The following DAB1 variants were observed in gnomAD, a reference collection of about 807,000 sequenced individuals.
The protein encoded by DAB1 is DAB adaptor protein 1.
DAB1 carries 15 observed loss-of-function variants against 64.6 expected under a neutral mutation model. The observed-to-expected ratio is 0.23, with a 90% CI of 0.16 to 0.36. The LOEUF (loss-of-function observed/expected upper bound fraction) is 0.36, where lower values mean the gene tolerates loss of function less well. Among genes scored for constraint, DAB1 ranks in the 10% least tolerant of loss-of-function variants. The pLI is 1.00. For synonymous variants in DAB1, 235 were observed against 251.9 expected (o/e 0.93, Z 0.64); for missense variants, 596 against 706.7 (o/e 0.84, Z 1.78).
At chr1:57,920,737 G>A (rs1436390734) in intron 5 of DAB1, among the ~76,000 whole-genome samples, 1 of 152,274 alleles carries the variant, frequency 6.6e-6, no homozygotes, top group African/African-American at 2.4e-5. Flanking sequence ...TAGATAGCAA[G>A]GCATTTTGGT....
At chr1:58,123,046 A>C (rs931376910) in intron 5 of DAB1, among the ~76,000 whole-genome samples, 4 of 152,144 alleles carry the variant, frequency 2.6e-5, no homozygotes, top group Non-Finnish European at 5.9e-5. Flanking sequence ...TAGGAATAGA[A>C]ATGTCTGCCT....
chr1:57,004,873 C>T (rs551440397), intron 14 of DAB1, among the ~76,000 whole-genome samples: 115 of 149,212 alleles, frequency 7.7e-4, no homozygotes, highest in Middle Eastern at 6.9e-3. Context: ...CCAGTTCCTT[C>T]ATTTGTAAAG....
chr1:57,168,649 G>C (rs552871454), intron 2 of DAB1, among the ~76,000 whole-genome samples: 4 of 152,204 alleles, frequency 2.6e-5, no homozygotes, highest in Non-Finnish European at 1.5e-5. Flanking sequence ...AATAAATGTA[G>C]TTCCTCCCCA....
At chr1:57,508,414 T>G (rs1475611133) in intron 7 of DAB1, among the ~76,000 whole-genome samples, 1 of 152,226 alleles carries the variant, frequency 6.6e-6, no homozygotes, top group Non-Finnish European at 1.5e-5. Context: ...GGAATTCAAA[T>G]GTCACTGCTT....
intron 2 of DAB1, among the ~76,000 whole-genome samples, chr1:57,281,277 C>G (rs1470807923): frequency 6.6e-6 from 1 of 152,160 alleles, no homozygotes; most frequent in Non-Finnish European, 1.5e-5. Context: ...ACAGCATGGT[C>G]ATGACCCACA....
chr1:57,573,582 T>C (rs1283245449), intron 7 of DAB1, among the ~76,000 whole-genome samples: 1 of 152,226 alleles, frequency 6.6e-6, no homozygotes, highest in East Asian at 1.9e-4. Context: ...TGGATATCAG[T>C]GGACTTGAAC....
chr1:57,182,825 T>C (rs905406205), intron 2 of DAB1, among the ~76,000 whole-genome samples: 1 of 152,092 alleles, frequency 6.6e-6, no homozygotes, highest in Admixed American at 6.5e-5. Flanking sequence ...AGGTAGAGGA[T>C]AGAATAGTAT....
At chr1:57,009,302 C>T (rs1646191636) in intron 14 of DAB1, among the ~76,000 whole-genome samples, 1 of 152,314 alleles carries the variant, frequency 6.6e-6, no homozygotes, top group East Asian at 1.9e-4. Flanking sequence ...ATTGACTTTG[C>T]TTTCAATATA....
At chr1:57,661,051 G>A (rs1383763571) in intron 6 of DAB1, among the ~76,000 whole-genome samples, 1 of 152,124 alleles carries the variant, frequency 6.6e-6, no homozygotes, top group African/African-American at 2.4e-5. Context: ...GAAAACAATG[G>A]TGCATTTGTA....
chr1:58,298,025 TA>T (rs1359666622), intron 4 of DAB1, among the ~76,000 whole-genome samples: 2 of 152,184 alleles, frequency 1.3e-5, no homozygotes, highest in Non-Finnish European at 2.9e-5. Context: ...GTATTATGAT[TA>T]AAAAATATGA....
intron 7 of DAB1, among the ~76,000 whole-genome samples, chr1:57,625,982 G>C (rs2101622016): frequency 6.6e-6 from 1 of 152,132 alleles, no homozygotes; most frequent in South Asian, 2.1e-4. Context: ...ATATGAAATG[G>C]GTGACAGTTA....
chr1:57,044,592 A>T (rs972626232), intron 9 of DAB1, among the ~76,000 whole-genome samples: 1 of 152,218 alleles, frequency 6.6e-6, no homozygotes, highest in African/African-American at 2.4e-5. Flanking sequence ...TAGGGAATGA[A>T]GAAGGCATAG....
chr1:58,253,621 T>A (rs1660855533), intron 4 of DAB1, among the ~76,000 whole-genome samples: 1 of 152,206 alleles, frequency 6.6e-6, no homozygotes, highest in African/African-American at 2.4e-5. Flanking sequence ...CCTGTGATAT[T>A]CACAAGAATC....
chr1:57,802,132 C>T (rs1338814018), intron 6 of DAB1, among the ~76,000 whole-genome samples: 4 of 152,154 alleles, frequency 2.6e-5, no homozygotes, highest in Admixed American at 6.5e-5. Flanking sequence ...AGCTAATGTT[C>T]GAACATTTAT....
At chr1:58,050,953 T>C (rs1557626940) in intron 5 of DAB1, among the ~76,000 whole-genome samples, 1 of 152,212 alleles carries the variant, frequency 6.6e-6, no homozygotes, top group Non-Finnish European at 1.5e-5. Context: ...ACATGCTACA[T>C]GTTGTTCTAG....
intron 7 of DAB1, among the ~76,000 whole-genome samples, chr1:57,516,775 T>C (rs1644468483): frequency 6.6e-6 from 1 of 152,302 alleles, no homozygotes; most frequent in East Asian, 1.9e-4. Flanking sequence ...TGAGCCTTGT[T>C]CATTGAATAG....
At chr1:58,160,442 C>T (rs1334524128) in intron 4 of DAB1, among the ~76,000 whole-genome samples, 1 of 152,104 alleles carries the variant, frequency 6.6e-6, no homozygotes, top group African/African-American at 2.4e-5. Flanking sequence ...AAAGCAAATC[C>T]TGTACAGAGG....
intron 3 of DAB1, among the ~76,000 whole-genome samples, chr1:58,423,153 G>T (rs186764093): frequency 1.3e-5 from 2 of 152,156 alleles, no homozygotes; most frequent in African/African-American, 4.8e-5. Context: ...AGCCCTATCT[G>T]GTTGTCCATA....
chr1:58,095,369 A>T (rs531694472), intron 5 of DAB1, among the ~76,000 whole-genome samples: 1 of 152,208 alleles, frequency 6.6e-6, no homozygotes, highest in African/African-American at 2.4e-5. Flanking sequence ...AGGGATCGGT[A>T]TAAGTACTAT....
Sources: gnomAD v4.1 joint callset for allele counts (sites outside exome capture counted in the v4.1 genomes callset) on GRCh38, gnomAD v4.1.1 for gene constraint, MANE v1.5 for transcripts, NCBI Gene and HGNC (gene_info 2026-07-23, HGNC 2026-07-21) for gene names.